TUBGCP5: variants seen among roughly 807,000 people sequenced by gnomAD.
The protein encoded by TUBGCP5 is gamma-tubulin complex component 5.
A neutral mutation model predicts 134.7 loss-of-function variants in TUBGCP5; 98 were observed. The observed-to-expected ratio is 0.73, with a 90% confidence interval of 0.62 to 0.86. The LOEUF (loss-of-function observed/expected upper bound fraction) is 0.86. Among genes scored for constraint, TUBGCP5 ranks in the 40% least tolerant of loss-of-function variants. TUBGCP5 has a pLI of 0.00. For synonymous variants in TUBGCP5, 456 were observed against 431.4 expected (o/e 1.06, Z -0.71); for missense variants, 1,150 against 1,244.8 (o/e 0.92, Z 1.15).
chr15:23,039,465 C>G lies in TUBGCP5; in HGVS notation c.79G>C (p.Ala27Pro), dbSNP rs762394183. 3 of 1,545,060 alleles carry G rather than the reference C, an allele frequency of 1.9e-6. No homozygotes were observed. In the Admixed American group the frequency reaches 5.5e-5, roughly 29 times the overall value. Reference protein sequence around the residue: ...RDVRELVRGVAGLQDEADPNF... With the variant: ...RDVRELVRGVPGLQDEADPNF... ...GGGTCTGCCTCGTCCTGGAGGCCGG[C>G]GACACCCCGGACGAGCTCCCGCACG... Residue 27 changes from alanine (A) to proline (P), a missense_variant, in exon 1 of 23, where the codon GCC (alanine) becomes CCC (proline). By Grantham distance (27) the Ala-to-Pro change is conservative (BLOSUM62 -1). Coordinates refer to ENST00000615383, the MANE Select transcript of TUBGCP5 (RefSeq NM_052903.6).
At chr15:23,024,685 CTA>C in intron 9 of TUBGCP5, 50 bp downstream of exon 9, 1 of 933,008 alleles carries the variant, frequency 1.1e-6, no homozygotes. Flanking sequence ...AATTATATTA[CTA>C]GTTTACATAA....
At chr15:22,999,907 A>T (rs759871799) in intron 22 of TUBGCP5, 41 bp from the exon 23 acceptor site, 3 of 1,605,164 alleles carry the variant, frequency 1.9e-6, no homozygotes, top group Non-Finnish European at 2.6e-6. Context: ...AATAGGTTTA[A>T]ATGTTGAAAA....
chr15:23,031,244 G>T (rs1449287609), intron 5 of TUBGCP5, among the ~76,000 whole-genome samples: 1 of 151,822 alleles, frequency 6.6e-6, no homozygotes, highest in African/African-American at 2.4e-5. Flanking sequence ...AATAAGGAAT[G>T]GAATTATTTT....
At chr15:22,997,019 T>C (rs1199156657), downstream of TUBGCP5, 1 of 152,108 alleles carries the variant, frequency 6.6e-6, no homozygotes, top group African/African-American at 2.4e-5. Context: ...TCATACACTC[T>C]GAACATAGTT....
At position 23,037,999 on chromosome 15, in the gene TUBGCP5, C is replaced by T. The variant is rs2066695575; in HGVS notation, c.147-847G>A. Among the ~76,000 whole-genome samples the T allele has an allele frequency of 1.3e-5, 2 of 152,146 alleles. 1 individual carries two copies. The highest frequency in any genetic ancestry group is 1.3e-4 in the Admixed American group (2 of 15,274). On this transcript the variant is annotated intron_variant, in intron 1 of 22. Transcript: ENST00000615383. ...CAGGATAGTCTCGATCTCCTGACCTCGTGATCCACCCACCTCGGCCTCCTA... is the reference window on the plus strand; with the variant it reads ...CAGGATAGTCTCGATCTCCTGACCTTGTGATCCACCCACCTCGGCCTCCTA...
chr15:23,015,616 T>C (rs1304222438), intron 13 of TUBGCP5, among the ~76,000 whole-genome samples: 3 of 151,992 alleles, frequency 2.0e-5, no homozygotes, highest in Non-Finnish European at 2.9e-5. Context: ...CACTCCAGCC[T>C]AGGTAATAGA....
At chr15:23,032,706 G>A in intron 4 of TUBGCP5, 22 bp downstream of exon 4, 1 of 1,477,744 alleles carries the variant, frequency 6.8e-7, no homozygotes, top group Non-Finnish European at 9.1e-7. Context: ...CTTCTCATAT[G>A]TTAAGGAATC....
chr15:23,002,291 G>A (rs1007908256), intron 21 of TUBGCP5, among the ~76,000 whole-genome samples: 4 of 152,112 alleles, frequency 2.6e-5, no homozygotes, highest in East Asian at 1.9e-4. Flanking sequence ...GGGAGATTTC[G>A]AATTATACTA....
At position 23,036,324 on chromosome 15, in the gene TUBGCP5, T is replaced by C. The variant is rs530131205; in HGVS notation, c.309+573A>G. Among the ~76,000 whole-genome samples, 3 of 152,308 alleles carry C rather than the reference T, an allele frequency of 2.0e-5. No homozygotes were observed. The South Asian group carries it at 6.2e-4, about 32-fold the overall frequency. On this transcript the variant is annotated intron_variant, in intron 3 of 22. Transcript: ENST00000615383. ...ACTGTTACTGAGAGAATTAACTGCA[T>C]CCCCAGGTGACTCCACTAGGAAGGA...
At chr15:22,997,933 T>C (rs2064171335), downstream of TUBGCP5, among the ~76,000 whole-genome samples, 3 of 151,686 alleles carry the variant, frequency 2.0e-5, no homozygotes. Flanking sequence ...TTTTTAAAGA[T>C]AGTCTCACTC....
At chr15:23,015,107 CAG>C (rs2065238708) in intron 13 of TUBGCP5, among the ~76,000 whole-genome samples, 2 of 152,046 alleles carry the variant, frequency 1.3e-5, no homozygotes, top group African/African-American at 2.4e-5. Flanking sequence ...TGTTTTGGGA[CAG>C]AGTCTTGCTT....
chr15:23,015,459 T>C (rs1403554192), intron 13 of TUBGCP5, among the ~76,000 whole-genome samples: 1 of 149,020 alleles, frequency 6.7e-6, no homozygotes, highest in Non-Finnish European at 1.5e-5. Context: ...CTCACCAACA[T>C]GGTAAAACCC....
At chr15:22,993,146 CTGGAG>C (rs1466135657) in intron 23 of TUBGCP5, among the ~76,000 whole-genome samples, 2 of 152,174 alleles carry the variant, frequency 1.3e-5, no homozygotes, top group African/African-American at 4.8e-5. Context: ...GTCGCCCAGG[CTGGAG>C]TGTAGCGGTG....
chr15:22,986,887 T>C (rs1054303716), intron 23 of TUBGCP5, among the ~76,000 whole-genome samples: 27 of 152,124 alleles, frequency 1.8e-4, no homozygotes, highest in Admixed American at 5.2e-4. Flanking sequence ...CAGGCTGATA[T>C]TGACACAAGC....
chr15:23,026,195 A>C lies in TUBGCP5; in HGVS notation c.748T>G (p.Leu250Val). 6.2e-7 allele frequency: 1 copy of C among 1,613,200 alleles called. No individual in the cohort carries two copies. Among genetic ancestry groups the C allele is most frequent in the African/African-American group, 1.3e-5 (1 of 75,026 alleles). Reference sequence around the variant, plus strand: ...ACATACAATGGATCACTGCTGTACAAGTGTTGGTCCCTATGAGACAGCAAA... The same window carrying C: ...ACATACAATGGATCACTGCTGTACACGTGTTGGTCCCTATGAGACAGCAAA... ...SNLAAVWDQH[L>V]YSSDPLYVPD... The change falls in exon 8 of 23, where the codon TTG becomes GTG. Residue 250 changes from leucine (L) to valine (V), a missense_variant. By Grantham distance (32) the Leu-to-Val change is conservative. Around this residue, in one of 2 missense-constraint regions of TUBGCP5, gnomAD observed 453 missense variants for 394.7 expected, o/e 1.15. Transcript: ENST00000615383.
In TUBGCP5 at chr15:23,011,197, T is replaced by C; in HGVS notation, c.1891A>G (p.Ile631Val). Residue 631 changes from isoleucine to valine, a missense_variant, in exon 14 of 23, where the codon ATT becomes GTT. Around this residue, in one of 2 missense-constraint regions of TUBGCP5, gnomAD observed 697 missense variants for 850.1 expected, o/e 0.82. Transcript: ENST00000615383. ...TKENLMKMQS[I>V]AESHLELDDV... is the part of the protein sequence containing the mutation. Reference sequence around the variant, plus strand: ...TCCAGTTCAAGATGGCTTTCAGCAATGGACTGCATCTTCATCAGGTTCTCC... The same window carrying C: ...TCCAGTTCAAGATGGCTTTCAGCAACGGACTGCATCTTCATCAGGTTCTCC... 2 of 1,613,994 alleles carry C rather than the reference T, an allele frequency of 1.2e-6. No individual in the cohort carries two copies. Among genetic ancestry groups the C allele is most frequent in the Non-Finnish European group, 1.7e-6 (2 of 1,179,988 alleles).
At position 23,039,054 on chromosome 15, in the gene TUBGCP5, CAT is replaced by C. The variant is rs952240877; in HGVS notation, c.146+342_146+343del. Among the ~76,000 whole-genome samples the C allele has an allele frequency of 2.0e-4, 30 of 151,770 alleles. No homozygotes were observed. The East Asian group carries it at 2.3e-3, about 12-fold the overall frequency. On this transcript the variant is annotated intron_variant, in intron 1 of 22. Transcript: ENST00000615383. ...ATTTAAAAAAAAAAAAAATTATAAA[CAT>C]GGAGTTGCTACGTTGCCCAAGCTGG...
At chr15:23,003,279 T>TACAC in intron 20 of TUBGCP5, 126 bp from the exon 21 acceptor site, 4 of 842,374 alleles carry the variant, frequency 4.7e-6, no homozygotes, top group African/African-American at 1.7e-5. Flanking sequence ...TCTGTGTATA[T>TACAC]GGAAGGGTAC....
At chr15:23,027,115 G>A (rs2140605452) in intron 7 of TUBGCP5, 77 bp downstream of exon 7, 2 of 1,100,170 alleles carry the variant, frequency 1.8e-6, no homozygotes, top group Non-Finnish European at 1.3e-6. Flanking sequence ...AAGAACTTAA[G>A]TCACAAATCA....
Sources: gnomAD v4.1 joint callset for allele counts (sites outside exome capture counted in the v4.1 genomes callset) on GRCh38, gnomAD v4.1.1 for gene constraint, gnomAD v4.1.1 regional missense constraint, MANE v1.5 for transcripts, NCBI Gene and HGNC (gene_info 2026-07-23, HGNC 2026-07-21) for gene names.